The following CHN2 variants were observed in gnomAD, a reference collection of about 807,000 sequenced individuals.
CHN2 encodes the protein beta-chimaerin.
A neutral mutation model predicts 56.3 loss-of-function variants in CHN2; 35 were observed. The ratio of observed to expected loss-of-function variants is 0.62; its 90% confidence interval spans 0.47 to 0.82. The LOEUF is 0.82. Ranked by LOEUF, CHN2 falls within the 40% of genes least tolerant of loss-of-function variation. The pLI is 0.00. For synonymous variants in CHN2, 210 were observed against 212.8 expected (o/e 0.99, Z 0.12); for missense variants, 491 against 580.5 (o/e 0.85, Z 1.58).
chr7:29,468,574 C>T (rs182704036), intron 6 of CHN2, among the ~76,000 whole-genome samples: 1 of 152,226 alleles, frequency 6.6e-6, no homozygotes, highest in East Asian at 1.9e-4. Flanking sequence ...CTCTCTGGAT[C>T]CCACCTGTTC....
intron 1 of CHN2, among the ~76,000 whole-genome samples, chr7:29,330,121 A>G (rs958256846): frequency 6.6e-6 from 1 of 152,240 alleles, no homozygotes; most frequent in Non-Finnish European, 1.5e-5. Context: ...TATGTATTTA[A>G]TCACATTTAC....
chr7:29,204,068 TGTGTGTGTGTGTGTG>T (rs1562828354), intron 1 of CHN2, among the ~76,000 whole-genome samples: 46 of 13,014 alleles, frequency 3.5e-3, no homozygotes, highest in African/African-American at 0.017. Context: ...TCTCTCTCTC[TGTGTGTGTGTGTGTG>T]TGTGTGTGTG....
At chr7:29,195,094 G>T in intron 1 of CHN2, 104 bp downstream of exon 1, 1 of 1,287,486 alleles carries the variant, frequency 7.8e-7, no homozygotes, top group Non-Finnish European at 1.1e-6. Context: ...CATCCCGCCC[G>T]CTCTCTCGGA....
intron 1 of CHN2, among the ~76,000 whole-genome samples, chr7:29,287,399 G>A (rs945712293): frequency 1.3e-5 from 2 of 152,108 alleles, no homozygotes; most frequent in African/African-American, 2.4e-5. Flanking sequence ...CAGATTTCTT[G>A]GGTTTGAATT....
At position 29,381,979 on chromosome 7, in the gene CHN2, G is replaced by A. The variant is rs151053479; in HGVS notation, c.145-11700G>A. Among the ~76,000 whole-genome samples, 502 of 152,222 alleles carry A rather than the reference G, an allele frequency of 3.3e-3. 1 individual carries two copies. The highest frequency in any genetic ancestry group is 0.012 in the African/African-American group (478 of 41,550). ...TGGGCAATAAGAGGTGATGGTTAGC[G>A]TCAGAGTTCCAGGGTAGTCCAACCT... On this transcript the variant is annotated intron_variant, in intron 3 of 12. Transcript: ENST00000222792.
At chr7:29,440,899 G>A (rs1562609143) in intron 6 of CHN2, among the ~76,000 whole-genome samples, 1 of 151,630 alleles carries the variant, frequency 6.6e-6, no homozygotes, top group Non-Finnish European at 1.5e-5. Flanking sequence ...AAAGATACTA[G>A]AACTTATTTT....
At chr7:29,376,928 C>G (rs1328605060) in intron 3 of CHN2, among the ~76,000 whole-genome samples, 1 of 152,206 alleles carries the variant, frequency 6.6e-6, no homozygotes, top group Non-Finnish European at 1.5e-5. Flanking sequence ...TCTCCTCCCT[C>G]TACCCTCCAT....
rs1028876842 is a variant in CHN2 at position 29,194,776 on chromosome 7, G to T, written c.-166G>T. On this transcript the variant is annotated 5_prime_UTR_variant, in exon 1 of 13. Coordinates refer to ENST00000222792, the MANE Select transcript of CHN2 (RefSeq NM_004067.4). ...AGCGGCGGCGGCAGCGCGTCATCTG[G>T]TGGAGCAGGAAGTGCAGGCAGAGTC... 2.0e-6 allele frequency: 1 copy of T among 497,368 alleles called. No homozygotes were observed. Among genetic ancestry groups the T allele is most frequent in the Non-Finnish European group, 3.3e-6 (1 of 306,428 alleles). 30.8% of individuals were successfully genotyped at this position (497,368 alleles called of 1,614,324 possible).
chr7:29,473,722 A>C (rs538636439), intron 6 of CHN2, among the ~76,000 whole-genome samples: 1 of 152,100 alleles, frequency 6.6e-6, no homozygotes, highest in South Asian at 2.1e-4. Flanking sequence ...CTGCAGGTAT[A>C]AGGCAGGAGA....
intron 6 of CHN2, among the ~76,000 whole-genome samples, chr7:29,458,474 T>G (rs1784930157): frequency 6.6e-6 from 1 of 152,040 alleles, no homozygotes; most frequent in South Asian, 2.1e-4. Flanking sequence ...ACCTCTGTTC[T>G]CCAATATTAT....
At position 29,179,714 on chromosome 7, in the gene CHN2, ATACT is replaced by A. The variant is rs763311052; in HGVS notation, c.274+32757_274+32760del. 4.7e-4 allele frequency among the ~76,000 whole-genome samples: 72 copies of A among 152,364 alleles called. 1 individual carries two copies. Among genetic ancestry groups the A allele is most frequent in the Admixed American group, 1.7e-3 (26 of 15,304 alleles). On this transcript the variant is annotated intron_variant, in intron 2 of 6. Transcript: ENST00000439384. ...GGTTTTTTATTTCTCAAATTACAAA[ATACT>A]TAATAGCTATTCTATTTTATATCAA...
At chr7:29,484,395 GTCTGAAA>G (rs1280170277) in intron 7 of CHN2, among the ~76,000 whole-genome samples, 2 of 152,224 alleles carry the variant, frequency 1.3e-5, no homozygotes, top group African/African-American at 4.8e-5. Flanking sequence ...AGGCTGGGAA[GTCTGAAA>G]TCAAGGTATG....
chr7:29,186,952 G>T (rs554105457), intron 2 of CHN2, among the ~76,000 whole-genome samples: 11 of 152,206 alleles, frequency 7.2e-5, no homozygotes, highest in Admixed American at 7.2e-4. Context: ...TATTATATAA[G>T]TTTTCTAGCC....
intron 1 of CHN2, among the ~76,000 whole-genome samples, chr7:29,345,412 T>G (rs1797353657): frequency 6.6e-6 from 1 of 152,082 alleles, no homozygotes; most frequent in South Asian, 2.1e-4. Flanking sequence ...TGCTGTAGGT[T>G]GGTGGGTCCA....
At chr7:29,390,353 C>G (rs1481444387) in intron 3 of CHN2, among the ~76,000 whole-genome samples, 2 of 152,132 alleles carry the variant, frequency 1.3e-5, no homozygotes. Flanking sequence ...CAGACATGGC[C>G]GATCCGACAG....
At chr7:29,309,958 A>G (rs2128885038) in intron 1 of CHN2, among the ~76,000 whole-genome samples, 1 of 152,340 alleles carries the variant, frequency 6.6e-6, no homozygotes, top group South Asian at 2.1e-4. Flanking sequence ...CTGGCCAGGC[A>G]GGACTCCCTG....
intron 1 of CHN2, among the ~76,000 whole-genome samples, chr7:29,353,055 C>A (rs761168159): frequency 6.6e-6 from 1 of 152,204 alleles, no homozygotes; most frequent in Admixed American, 6.5e-5. Flanking sequence ...TAAACCATCA[C>A]TAACGCACTG....
At chr7:29,359,114 A>G (rs1585154070) in intron 2 of CHN2, among the ~76,000 whole-genome samples, 1 of 152,138 alleles carries the variant, frequency 6.6e-6, no homozygotes, top group Non-Finnish European at 1.5e-5. Context: ...CTCAGTCTTA[A>G]TTGACCTGGG....
chr7:29,187,097 A>G (rs534227842), intron 2 of CHN2, among the ~76,000 whole-genome samples: 6 of 152,316 alleles, frequency 3.9e-5, no homozygotes, highest in Admixed American at 6.5e-5. Flanking sequence ...TGACTTTTCT[A>G]TATCACTAAT....
Sources: allele counts gnomAD v4.1 joint callset (sites outside exome capture counted in the v4.1 genomes callset), GRCh38; gene constraint gnomAD v4.1.1; transcripts MANE v1.5; gene names NCBI Gene and HGNC (gene_info 2026-07-23, HGNC 2026-07-21).